HYDIN: variants seen among roughly 807,000 people sequenced by gnomAD.
HYDIN encodes HYDIN axonemal central pair apparatus protein.
A neutral mutation model predicts 403.9 loss-of-function variants in HYDIN; 132 were observed. That is an observed-to-expected ratio of 0.33 (90% CI 0.28 to 0.38). The LOEUF is 0.38. Ranked by LOEUF, HYDIN falls within the 10% of genes least tolerant of loss-of-function variation. The pLI is 1.00. For missense variants in HYDIN, 2,827 were observed against 5,009.5 expected (o/e 0.56, Z 13.15); for synonymous variants, 1,202 against 1,891.7 (o/e 0.64, Z 9.46).
At chr16:70,908,176 C>T in intron 49 of HYDIN, 76 bp downstream of exon 49, 1 of 1,307,818 alleles carries the variant, frequency 7.6e-7, no homozygotes, top group Non-Finnish European at 1.1e-6. Flanking sequence ...TGGTAAGAGC[C>T]ACCTTGTTCA....
At chr16:71,227,705 T>A (rs913755366) in intron 1 of HYDIN, among the ~76,000 whole-genome samples, 4 of 152,150 alleles carry the variant, frequency 2.6e-5, no homozygotes, top group Non-Finnish European at 5.9e-5. Flanking sequence ...TGGATAGGAA[T>A]AATCAATATC....
intron 1 of HYDIN, among the ~76,000 whole-genome samples, chr16:71,197,346 T>C (rs2087748557): frequency 1.3e-5 from 2 of 152,204 alleles, no homozygotes; most frequent in Non-Finnish European, 2.9e-5. Context: ...ATACGGTTAC[T>C]AGCATATGGT....
chr16:70,911,590 T>C (rs941427338), intron 47 of HYDIN, among the ~76,000 whole-genome samples: 13 of 147,970 alleles, frequency 8.8e-5, no homozygotes, highest in African/African-American at 2.8e-4. Flanking sequence ...GCTTTGGCTA[T>C]GTGGGCTCTT....
At position 70,835,850 on chromosome 16, in the gene HYDIN, G is replaced by C. The variant is rs1473693138; in HGVS notation, c.13243-16C>G. The stretch of plus-strand genomic sequence containing the variant: ...GGACTAAAATCTGTGGGACAAGAAA[G>C]AGTAGGAAGAAGAGTTCATTAGTTA... On this transcript the variant is annotated splice_polypyrimidine_tract_variant and intron_variant, in intron 77 of 85. Transcript: ENST00000393567. The C allele has an allele frequency of 1.6e-6, 1 of 635,798 alleles. No individual in the cohort carries two copies. Among genetic ancestry groups the C allele is most frequent in the East Asian group, 2.7e-5 (1 of 37,036 alleles). The allele number at this position is 635,798 out of a possible 1,614,324, so 39.4% of individuals were successfully genotyped here. A position where few individuals can be genotyped will look rare whatever the true frequency, so the allele number is the denominator to read the frequency against.
At chr16:71,178,147 C>T (rs1323408283) in intron 4 of HYDIN, among the ~76,000 whole-genome samples, 2 of 152,096 alleles carry the variant, frequency 1.3e-5, no homozygotes, top group African/African-American at 2.4e-5. Context: ...CGGCCAGGCA[C>T]GGTGGCTCAC....
intron 5 of HYDIN, among the ~76,000 whole-genome samples, chr16:71,169,619 C>G (rs575332558): frequency 7.1e-4 from 108 of 152,118 alleles, no homozygotes; most frequent in Admixed American, 1.4e-3. Context: ...CTAAAACAGT[C>G]AAATGCATAG....
intron 2 of HYDIN, among the ~76,000 whole-genome samples, chr16:71,185,463 G>A (rs1334371768): frequency 6.6e-6 from 1 of 152,152 alleles, no homozygotes; most frequent in African/African-American, 2.4e-5. Flanking sequence ...ATGTTAGAGA[G>A]AAATCTTATA....
chr16:70,872,948 AC>A (rs370361365), intron 64 of HYDIN, among the ~76,000 whole-genome samples: 7 of 102,848 alleles, frequency 6.8e-5, no homozygotes, highest in African/African-American at 2.9e-4. Flanking sequence ...TCACCTATCT[AC>A]CCATCATCAT....
At position 71,127,432 on chromosome 16, in the gene HYDIN, G is replaced by T. The variant is rs373857679; in HGVS notation, c.1227+2208C>A. Reference sequence around the variant, plus strand: ...GTTTTTCTTCCTAAGGATAAAAAAAGGCTTCGTGACAAGAATGCTTAATTC... The same window carrying T: ...GTTTTTCTTCCTAAGGATAAAAAAATGCTTCGTGACAAGAATGCTTAATTC... On this transcript the variant is annotated intron_variant, in intron 9 of 85. Coordinates refer to ENST00000393567, the MANE Select transcript of HYDIN (RefSeq NM_001270974.2). 8.0e-3 allele frequency among the ~76,000 whole-genome samples: 1,147 copies of T among 144,038 alleles called. 14 individuals are homozygous for T. Among genetic ancestry groups the T allele is most frequent in the African/African-American group, 0.029 (1,090 of 38,212 alleles). 94.5% of individuals were successfully genotyped at this position (144,038 alleles called of 152,430 possible).
At chr16:71,227,847 T>C (rs1264340041) in intron 1 of HYDIN, among the ~76,000 whole-genome samples, 1 of 152,170 alleles carries the variant, frequency 6.6e-6, no homozygotes, top group African/African-American at 2.4e-5. Flanking sequence ...GAGCCTGCAT[T>C]GCCAAGACAA....
intron 9 of HYDIN, among the ~76,000 whole-genome samples, chr16:71,116,250 T>TG (rs2144468805): frequency 6.6e-6 from 1 of 150,718 alleles, no homozygotes; most frequent in Admixed American, 6.6e-5. Flanking sequence ...TTTTTTTTTT[T>TG]TTAAGATTTC....
intron 55 of HYDIN, chr16:70,893,575 T>C (rs1450354648): frequency 2.0e-5 from 3 of 151,886 alleles, no homozygotes; most frequent in South Asian, 4.1e-4. Flanking sequence ...TGGAGTGCAG[T>C]GGCACGATCA....
At chr16:71,071,263 T>TA (rs1384427323) in intron 13 of HYDIN, among the ~76,000 whole-genome samples, 2 of 148,724 alleles carry the variant, frequency 1.3e-5, no homozygotes, top group African/African-American at 2.5e-5. Context: ...ACCTCCTAGT[T>TA]ACAACAATTT....
rs757071787 is a variant in HYDIN, at chr16:71,152,830, T to C, written c.717-47A>G. On this transcript the variant is annotated intron_variant, in intron 6 of 85. Transcript: ENST00000393567. The stretch of plus-strand genomic sequence containing the variant: ...ATCATCAGAGCATATTTCTGACTAG[T>C]GTGAGACGGGGAGGAAAGGAGACAG... 2.8e-5 allele frequency: 45 copies of C among 1,587,148 alleles called. 1 individual carries two copies. Among genetic ancestry groups the C allele is most frequent in the Non-Finnish European group, 3.7e-5 (43 of 1,160,942 alleles).
chr16:71,141,245 TAA>T (rs56731678), intron 7 of HYDIN, among the ~76,000 whole-genome samples: 4 of 140,960 alleles, frequency 2.8e-5, no homozygotes, highest in Admixed American at 7.1e-5. Context: ...GACATATTTG[TAA>T]AAAAAAAAAA....
At chr16:71,206,383 T>A (rs1162706210) in intron 1 of HYDIN, among the ~76,000 whole-genome samples, 1 of 152,090 alleles carries the variant, frequency 6.6e-6, no homozygotes, top group African/African-American at 2.4e-5. Flanking sequence ...CCTTATACCA[T>A]AATCAAACAT....
rs11075812 is a variant in HYDIN, at chr16:70,903,679, G to A, written c.8795C>T (p.Pro2932Leu). 2.0e-4 allele frequency: 52 copies of A among 261,950 alleles called. No homozygotes were observed. The highest frequency in any genetic ancestry group is 4.9e-4 in the Admixed American group (6 of 12,358). 16.2% of individuals were successfully genotyped at this position (261,950 alleles called of 1,614,324 possible). ...TTGCCTGGGTTCCAGCTCTAGTTCC[G>A]GGCGGATCCCCTGGCAGCTTAATTG... ...IFQLSCQGIR[P>L]ELELEPRQLH... The change falls in exon 52 of 86, where the codon CCG becomes CTG. Residue 2932 changes from proline to leucine, a missense_variant. Pro to Leu is a moderately conservative substitution (Grantham distance 98). Transcript: ENST00000393567.
chr16:71,230,264 G>C (rs529074160), intron 1 of HYDIN, among the ~76,000 whole-genome samples: 1 of 151,694 alleles, frequency 6.6e-6, no homozygotes, highest in African/African-American at 2.4e-5. Flanking sequence ...CCGGTAAGAC[G>C]GGAAATGATT....
chr16:71,049,931 G>A (rs1453447005), intron 18 of HYDIN, among the ~76,000 whole-genome samples: 1 of 144,068 alleles, frequency 6.9e-6, no homozygotes, highest in African/African-American at 2.6e-5. Context: ...ATGAAGAGGT[G>A]AAAAATATAT....
Sources: allele counts gnomAD v4.1 joint callset (sites outside exome capture counted in the v4.1 genomes callset), GRCh38; gene constraint gnomAD v4.1.1; transcripts MANE v1.5; gene names NCBI Gene and HGNC (gene_info 2026-07-23, HGNC 2026-07-21).